FGF12: variants seen among roughly 807,000 people sequenced by gnomAD.
FGF12 encodes fibroblast growth factor 12B.
FGF12 carries 14 observed loss-of-function variants against 23.6 expected under a neutral mutation model. The ratio of observed to expected loss-of-function variants is 0.59; its 90% confidence interval spans 0.39 to 0.93. FGF12 has a LOEUF of 0.93. Ranked by LOEUF, FGF12 falls within the 40% of genes least tolerant of loss-of-function variation. The probability of loss-of-function intolerance (pLI) is 0.00; values close to 1 mark genes in which losing one functional copy is unlikely to be tolerated. For synonymous variants in FGF12, 62 were observed against 77.3 expected (o/e 0.80, Z 1.04); for missense variants, 175 against 217.8 (o/e 0.80, Z 1.24).
intron 2 of FGF12, among the ~76,000 whole-genome samples, chr3:192,610,579 T>C (rs543671028): frequency 6.6e-6 from 1 of 152,164 alleles, no homozygotes; most frequent in Non-Finnish European, 1.5e-5. Context: ...CATTACCTTG[T>C]TCAGTTTATT....
intron 2 of FGF12, among the ~76,000 whole-genome samples, chr3:192,396,529 G>A (rs1224145635): frequency 1.3e-5 from 2 of 152,198 alleles, no homozygotes; most frequent in African/African-American, 4.8e-5. Flanking sequence ...GCCTTTCATA[G>A]TTGTATGACC....
chr3:192,482,360 G>A (rs1378174955), intron 2 of FGF12, among the ~76,000 whole-genome samples: 3 of 152,164 alleles, frequency 2.0e-5, no homozygotes, highest in Non-Finnish European at 4.4e-5. Flanking sequence ...TGAGCCGGAC[G>A]TGGTGGCTCA....
intron 4 of FGF12, among the ~76,000 whole-genome samples, chr3:192,230,063 T>G (rs146669366): frequency 6.6e-6 from 1 of 152,224 alleles, no homozygotes; most frequent in Non-Finnish European, 1.5e-5. Flanking sequence ...GGCATCAACA[T>G]TCCTAGGAAG....
intron 2 of FGF12, among the ~76,000 whole-genome samples, chr3:192,554,462 G>A (rs571021703): frequency 7.3e-4 from 111 of 152,088 alleles, no homozygotes; most frequent in Non-Finnish European, 1.4e-3. Context: ...AAAGAAACTG[G>A]CAAATCTCTC....
intron 2 of FGF12, among the ~76,000 whole-genome samples, chr3:192,594,264 T>G (rs1713747361): frequency 6.6e-6 from 1 of 151,840 alleles, no homozygotes; most frequent in Admixed American, 6.6e-5. Flanking sequence ...TCAATAATGG[T>G]TTTACCTGGT....
At chr3:192,500,281 T>C (rs551055668) in intron 2 of FGF12, among the ~76,000 whole-genome samples, 31 of 152,320 alleles carry the variant, frequency 2.0e-4, no homozygotes, top group Non-Finnish European at 4.0e-4. Context: ...AAGTGCTCAC[T>C]CTAGTTCCAG....
chr3:192,561,273 G>A (rs1712007672), intron 2 of FGF12, among the ~76,000 whole-genome samples: 1 of 151,942 alleles, frequency 6.6e-6, no homozygotes, highest in Non-Finnish European at 1.5e-5. Context: ...TCAGAACAGA[G>A]GACATACAAA....
intron 2 of FGF12, among the ~76,000 whole-genome samples, chr3:192,641,158 T>C (rs1167417124): frequency 1.5e-5 from 1 of 65,254 alleles, no homozygotes; most frequent in Admixed American, 1.5e-4. Flanking sequence ...CAGGCTGGAG[T>C]GCAGTGGCGG....
chr3:192,481,551 AT>A (rs1262465276), intron 2 of FGF12, among the ~76,000 whole-genome samples: 5 of 152,224 alleles, frequency 3.3e-5, no homozygotes, highest in Admixed American at 2.0e-4. Context: ...GGCCACAGAG[AT>A]TTCATGAATG....
Position 192,412,554 on chromosome 3 carries a change from G to A in FGF12, c.14-52016C>T, listed in dbSNP as rs1033707595. ...GACAACAAAGACTACTTTTTCCCTC[G>A]CACTCCTGCAGCTATTGTCAGAGAG... On this transcript the variant is annotated intron_variant, in intron 2 of 5. Coordinates refer to ENST00000445105, the MANE Select transcript of FGF12 (RefSeq NM_004113.6). Among the ~76,000 whole-genome samples, 6 of 152,110 alleles carry A rather than the reference G, an allele frequency of 3.9e-5. No homozygotes were observed. The South Asian group carries it at 6.2e-4, about 16-fold the overall frequency.
rs766226672 is a variant in FGF12 at position 192,408,091 on chromosome 3, C to T, written c.14-47553G>A. ...CGCACTTTGCTGAACACCCCGAGGA[C>T]GTGCCTCTCGCACAGGGAGCGCCCG... On this transcript the variant is annotated intron_variant, in intron 2 of 5. Coordinates refer to ENST00000445105, the MANE Select transcript of FGF12 (RefSeq NM_004113.6). This position sits in a 1 kb window ranked among gnomAD's most constrained non-coding sequence, Gnocchi z 7.3. 5.0e-6 allele frequency: 8 copies of T among 1,613,094 alleles called. No homozygotes were observed. Among genetic ancestry groups the T allele is most frequent in the South Asian group, 3.3e-5 (3 of 91,082 alleles).
At chr3:192,510,555 G>A (rs1724438443) in intron 2 of FGF12, among the ~76,000 whole-genome samples, 1 of 152,136 alleles carries the variant, frequency 6.6e-6, no homozygotes, top group African/African-American at 2.4e-5. Flanking sequence ...TTGAAAGACA[G>A]TTTGACACTG....
At chr3:192,519,450 G>C (rs1724759461) in intron 2 of FGF12, among the ~76,000 whole-genome samples, 1 of 151,656 alleles carries the variant, frequency 6.6e-6, no homozygotes, top group Non-Finnish European at 1.5e-5. Context: ...CATTATGGCA[G>C]GGGGGAGGGT....
intron 2 of FGF12, among the ~76,000 whole-genome samples, chr3:192,368,545 T>C (rs954278564): frequency 1.3e-5 from 2 of 152,288 alleles, no homozygotes; most frequent in South Asian, 4.1e-4. Context: ...GCAGCAAGTA[T>C]AAAGCAATCC....
intron 2 of FGF12, among the ~76,000 whole-genome samples, chr3:192,680,712 G>C (rs2108706882): frequency 6.6e-6 from 1 of 152,292 alleles, no homozygotes; most frequent in Non-Finnish European, 1.5e-5. Context: ...ATTTATAAAT[G>C]AATACATTCT....
rs1713549618 is a variant in FGF12, at chr3:192,143,966, GA to G, written c.*42del. The G allele has an allele frequency of 8.4e-7, 1 of 1,188,236 alleles. No individual in the cohort carries two copies. Among genetic ancestry groups the G allele is most frequent in the Admixed American group, 1.7e-5 (1 of 57,772 alleles). 73.6% of individuals were successfully genotyped at this position (1,188,236 alleles called of 1,614,324 possible). A position where few individuals can be genotyped will look rare whatever the true frequency, so the allele number is the denominator to read the frequency against. On this transcript the variant is annotated 3_prime_UTR_variant, in exon 6 of 6. Transcript: ENST00000445105. ...GGAAATGGGTAAATGGGAAGGAAGG[GA>G]AGGGGAAGGGATGAGAGAGGGAAGA...
intron 2 of FGF12, among the ~76,000 whole-genome samples, chr3:192,520,481 C>T (rs1724789926): frequency 6.6e-6 from 1 of 152,130 alleles, no homozygotes; most frequent in African/African-American, 2.4e-5. Context: ...TTATTTTTGT[C>T]TTGAACTTTA....
At chr3:192,608,388 G>A (rs1714425267) in intron 2 of FGF12, among the ~76,000 whole-genome samples, 3 of 152,070 alleles carry the variant, frequency 2.0e-5, no homozygotes, top group Non-Finnish European at 2.9e-5. Flanking sequence ...TGCATTGCAT[G>A]CCTGTATCAA....
intron 4 of FGF12, among the ~76,000 whole-genome samples, chr3:192,215,399 C>A (rs1718141064): frequency 6.6e-6 from 1 of 152,156 alleles, no homozygotes; most frequent in African/African-American, 2.4e-5. Flanking sequence ...GGTTGCTAAA[C>A]CTTAGCACTA....
Sources: allele counts gnomAD v4.1 joint callset (sites outside exome capture counted in the v4.1 genomes callset), GRCh38; gene constraint gnomAD v4.1.1; non-coding constraint Gnocchi (gnomAD v3.1); transcripts MANE v1.5; gene names NCBI Gene and HGNC (gene_info 2026-07-23, HGNC 2026-07-21).